AGPAT3: variants seen among roughly 807,000 people sequenced by gnomAD.
AGPAT3 encodes the protein 1-acyl-sn-glycerol-3-phosphate acyltransferase gamma.
Under a neutral mutation model 47.3 loss-of-function variants are expected in AGPAT3, and 5 were observed. That is an observed-to-expected ratio of 0.11 (90% CI 0.06 to 0.22). AGPAT3 has a LOEUF of 0.22. Among genes scored for constraint, AGPAT3 ranks in the 10% least tolerant of loss-of-function variants. The pLI, the probability that AGPAT3 is intolerant of heterozygous loss-of-function variation, is 1.00. For synonymous variants in AGPAT3, 212 were observed against 208.3 expected (o/e 1.02, Z -0.15); for missense variants, 315 against 493.0 (o/e 0.64, Z 3.42).
chr21:43,890,664 C>T (rs1316685151), intron 1 of AGPAT3, among the ~76,000 whole-genome samples: 2 of 151,522 alleles, frequency 1.3e-5, no homozygotes, highest in African/African-American at 2.4e-5. Context: ...CCACCCGCCT[C>T]GGCCTCCCAA....
intron 2 of AGPAT3, among the ~76,000 whole-genome samples, chr21:43,910,557 A>T (rs1426286915): frequency 6.6e-6 from 1 of 152,196 alleles, no homozygotes; most frequent in Non-Finnish European, 1.5e-5. Context: ...GTGAAGGTGG[A>T]GCGGAGGGCC....
chr21:43,913,479 G>T (rs1383519777), intron 2 of AGPAT3, among the ~76,000 whole-genome samples: 2 of 152,156 alleles, frequency 1.3e-5, no homozygotes, highest in African/African-American at 4.8e-5. Flanking sequence ...CCAGCTACTT[G>T]GGAGGCTGAG....
chr21:43,941,604 G>T (rs2087657969), intron 2 of AGPAT3, among the ~76,000 whole-genome samples: 1 of 152,186 alleles, frequency 6.6e-6, no homozygotes, highest in Non-Finnish European at 1.5e-5. Flanking sequence ...TTGGGATTTG[G>T]GGCCTCTGAG....
At chr21:43,924,001 T>G (rs754097072) in intron 2 of AGPAT3, among the ~76,000 whole-genome samples, 1 of 152,040 alleles carries the variant, frequency 6.6e-6, no homozygotes, top group Non-Finnish European at 1.5e-5. Context: ...TCCCATCCTG[T>G]AGGAAATGTA....
intron 7 of AGPAT3, among the ~76,000 whole-genome samples, chr21:43,975,551 G>A (rs1349189203): frequency 1.3e-5 from 2 of 152,266 alleles, no homozygotes; most frequent in Non-Finnish European, 1.5e-5. Flanking sequence ...AGTGTGAGGC[G>A]CGTGACCCTA....
intron 7 of AGPAT3, among the ~76,000 whole-genome samples, chr21:43,977,273 A>G (rs1272227984): frequency 6.6e-6 from 1 of 152,214 alleles, no homozygotes; most frequent in Admixed American, 6.5e-5. Context: ...TACTTTTCAT[A>G]TTTGAAGCAA....
At chr21:43,964,357 T>C (rs2089024073) in intron 3 of AGPAT3, among the ~76,000 whole-genome samples, 1 of 152,016 alleles carries the variant, frequency 6.6e-6, no homozygotes, top group Non-Finnish European at 1.5e-5. Flanking sequence ...GCTCAGCTAA[T>C]TTTTTGTTTT....
chr21:43,872,320 A>G (rs1287171642), intron 1 of AGPAT3, among the ~76,000 whole-genome samples: 4 of 151,930 alleles, frequency 2.6e-5, no homozygotes, highest in Non-Finnish European at 5.9e-5. Flanking sequence ...AGCTGAGATT[A>G]CAGGCATACG....
At chr21:43,961,988 T>A (rs2088889066) in intron 3 of AGPAT3, among the ~76,000 whole-genome samples, 3 of 151,294 alleles carry the variant, frequency 2.0e-5, no homozygotes, top group Admixed American at 2.0e-4. Flanking sequence ...CTTCAGTTCC[T>A]GGTTTGTTTT....
At chr21:43,903,697 G>A (rs571765449) in intron 1 of AGPAT3, among the ~76,000 whole-genome samples, 47 of 152,326 alleles carry the variant, frequency 3.1e-4, no homozygotes, top group Non-Finnish European at 5.0e-4. Flanking sequence ...TGGCGGCTCC[G>A]GGACTGTTCA....
At chr21:43,969,327 C>T (rs1357516761) in intron 5 of AGPAT3, 48 bp downstream of exon 5, 10 of 1,603,554 alleles carry the variant, frequency 6.2e-6, no homozygotes, top group Admixed American at 1.7e-5. Context: ...GAGGAGGCCA[C>T]GCCAACTCCT....
intron 1 of AGPAT3, among the ~76,000 whole-genome samples, chr21:43,901,635 G>A (rs1029010372): frequency 7.2e-5 from 11 of 151,978 alleles, no homozygotes; most frequent in Non-Finnish European, 8.8e-5. Flanking sequence ...TTAGCTGGGC[G>A]TGGTGGTGCA....
Position 43,978,021 on chromosome 21 carries a change from A to G in AGPAT3, c.768-25A>G. ...GTGAGGTCATGTGGTGATTCACCCT[A>G]CCTTGAATCTTCTTCATAAAACAGG... On this transcript the variant is annotated intron_variant, in intron 7 of 9. Coordinates refer to ENST00000291572, the MANE Select transcript of AGPAT3 (RefSeq NM_020132.5). 2.5e-6 allele frequency: 4 copies of G among 1,600,912 alleles called. No homozygotes were observed. In the South Asian group the frequency reaches 3.3e-5, roughly 13 times the overall value.
intron 8 of AGPAT3, among the ~76,000 whole-genome samples, chr21:43,980,565 C>T (rs190869551): frequency 3.4e-4 from 52 of 152,342 alleles, no homozygotes; most frequent in Non-Finnish European, 6.2e-4. Flanking sequence ...TTCCTTGGGC[C>T]GTGCAGCTGA....
chr21:43,977,740 A>G (rs1325100217), intron 7 of AGPAT3, among the ~76,000 whole-genome samples: 1 of 152,066 alleles, frequency 6.6e-6, no homozygotes, highest in African/African-American at 2.4e-5. Context: ...AAAAAAAATT[A>G]GCTGGGCGTG....
At position 43,939,456 on chromosome 21, in the gene AGPAT3, T is replaced by C. The variant is rs2087575121; in HGVS notation, c.-48-20178T>C. Among the ~76,000 whole-genome samples the C allele has an allele frequency of 6.6e-6, 1 of 152,128 alleles. No homozygotes were observed. Among genetic ancestry groups the C allele is most frequent in the Non-Finnish European group, 1.5e-5 (1 of 68,016 alleles). On this transcript the variant is annotated intron_variant, in intron 2 of 9. Coordinates refer to ENST00000291572, the MANE Select transcript of AGPAT3 (RefSeq NM_020132.5). This position sits in a 1 kb window ranked among gnomAD's most constrained non-coding sequence, Gnocchi z 4.4. ...TGAGAGGTTTCAGGCTGGAGTGACA[T>C]GGAGGGACGTGCCTGACTTCTGGAG...
At chr21:43,974,222 CTATGTGTGTATAAATTA>C (rs893551587) in intron 7 of AGPAT3, among the ~76,000 whole-genome samples, 11 of 84,084 alleles carry the variant, frequency 1.3e-4, no homozygotes, top group East Asian at 3.1e-4. Flanking sequence ...TATAAATTAT[CTATGTGTGTATAAATTA>C]TATGTGTGTA....
intron 2 of AGPAT3, among the ~76,000 whole-genome samples, chr21:43,915,068 T>A (rs2086698458): frequency 6.6e-6 from 1 of 152,154 alleles, no homozygotes; most frequent in Non-Finnish European, 1.5e-5. Context: ...TTTCCTCTTT[T>A]GTTTTTTTGA....
At position 43,881,978 on chromosome 21, in the gene AGPAT3, A is replaced by G. The variant is rs574370102; in HGVS notation, c.-112+16633A>G. The stretch of plus-strand genomic sequence containing the variant: ...GGCCTATTAAAAACATTTTTTTGCC[A>G]ATTTCTTTTTACTTTTGAATGTGGC... On this transcript the variant is annotated intron_variant, in intron 1 of 9. Transcript: ENST00000291572. 5.3e-5 allele frequency among the ~76,000 whole-genome samples: 8 copies of G among 152,338 alleles called. No homozygotes were observed. The South Asian group carries it at 1.4e-3, about 28-fold the overall frequency.
Sources: gnomAD v4.1 joint callset for allele counts (sites outside exome capture counted in the v4.1 genomes callset) on GRCh38, gnomAD v4.1.1 for gene constraint, Gnocchi (gnomAD v3.1) non-coding constraint, MANE v1.5 for transcripts, NCBI Gene and HGNC (gene_info 2026-07-23, HGNC 2026-07-21) for gene names.